Variants in GRK3 observed in about 807,000 individuals in gnomAD.
The protein encoded by GRK3 is G protein-coupled receptor kinase 3, also known as adrenergic, beta, receptor kinase 2.
GRK3 carries 54 observed loss-of-function variants against 95.7 expected under a neutral mutation model. That is an observed-to-expected ratio of 0.56 (90% CI 0.45 to 0.71). The LOEUF (loss-of-function observed/expected upper bound fraction) is 0.71, where lower values mean the gene tolerates loss of function less well. Ranked by LOEUF, GRK3 falls within the 30% of genes least tolerant of loss-of-function variation. GRK3 has a pLI of 0.00. For missense variants in GRK3, 649 were observed against 851.2 expected, an observed-to-expected ratio of 0.76 and a Z score of 2.96; for synonymous variants, 281 against 290.8, an observed-to-expected ratio of 0.97 and a Z score of 0.34.
intron 2 of GRK3, among the ~76,000 whole-genome samples, chr22:25,639,956 T>C (rs138041909): frequency 6.6e-6 from 1 of 152,324 alleles, no homozygotes; most frequent in East Asian, 1.9e-4. Flanking sequence ...AATTCCATTT[T>C]AAAATTGTGT....
intron 1 of GRK3, among the ~76,000 whole-genome samples, chr22:25,575,467 T>A (rs1025332643): frequency 6.6e-6 from 1 of 152,216 alleles, no homozygotes; most frequent in African/African-American, 2.4e-5. Context: ...GAAATGATCT[T>A]AGTGAGAGGC....
At chr22:25,705,439 TAATC>T (rs1313272332) in intron 15 of GRK3, among the ~76,000 whole-genome samples, 1 of 152,240 alleles carries the variant, frequency 6.6e-6, no homozygotes, top group Non-Finnish European at 1.5e-5. Flanking sequence ...TCTGTGATCA[TAATC>T]AATCATAATC....
chr22:25,613,805 C>T (rs963764864), intron 2 of GRK3, among the ~76,000 whole-genome samples: 10 of 152,164 alleles, frequency 6.6e-5, no homozygotes, highest in African/African-American at 2.4e-4. Context: ...GCAGTGCAGC[C>T]TCTGCAGCTC....
chr22:25,711,492 C>T (rs1178505269), intron 17 of GRK3, among the ~76,000 whole-genome samples: 3 of 152,090 alleles, frequency 2.0e-5, no homozygotes. Context: ...GCAAAAGAGC[C>T]AGCTGTCTCA....
intron 18 of GRK3, 44 bp downstream of exon 18, chr22:25,714,614 T>C: frequency 6.6e-7 from 1 of 1,506,852 alleles, no homozygotes; most frequent in Non-Finnish European, 8.9e-7. Context: ...ATGCAGTAAA[T>C]TTTCAAAATT....
intron 8 of GRK3, among the ~76,000 whole-genome samples, chr22:25,677,911 G>T (rs1241412254): frequency 6.6e-6 from 1 of 152,150 alleles, no homozygotes. Context: ...TTCTAAATAT[G>T]AGTTTGTTCC....
chr22:25,576,706 C>T (rs1569150204), intron 1 of GRK3, among the ~76,000 whole-genome samples: 2 of 152,266 alleles, frequency 1.3e-5, no homozygotes, highest in East Asian at 3.9e-4. Flanking sequence ...AGCGTATTTT[C>T]AGAAAAACCT....
At chr22:25,677,452 G>C (rs2085040765) in intron 8 of GRK3, among the ~76,000 whole-genome samples, 1 of 150,108 alleles carries the variant, frequency 6.7e-6, no homozygotes, top group Non-Finnish European at 1.5e-5. Flanking sequence ...AGAGAGTGGT[G>C]ATAGAGGTAG....
intron 11 of GRK3, among the ~76,000 whole-genome samples, chr22:25,688,037 C>T (rs1487173565): frequency 1.3e-5 from 2 of 152,080 alleles, no homozygotes; most frequent in Non-Finnish European, 2.9e-5. Context: ...GAGATCAAGG[C>T]CATCCTGGCT....
intron 1 of GRK3, among the ~76,000 whole-genome samples, chr22:25,599,880 G>A (rs2084397418): frequency 6.6e-6 from 1 of 152,126 alleles, no homozygotes; most frequent in Non-Finnish European, 1.5e-5. Context: ...TGTTCAAGGA[G>A]AAACAGGAAT....
intron 2 of GRK3, among the ~76,000 whole-genome samples, chr22:25,635,450 T>C (rs185058604): frequency 6.6e-6 from 1 of 152,348 alleles, no homozygotes; most frequent in Admixed American, 6.5e-5. Flanking sequence ...CATATTCATA[T>C]TTCAACAATT....
At chr22:25,622,255 C>T (rs1173809511) in intron 2 of GRK3, among the ~76,000 whole-genome samples, 1 of 152,136 alleles carries the variant, frequency 6.6e-6, no homozygotes, top group African/African-American at 2.4e-5. Flanking sequence ...TGCAGCTTGT[C>T]GGTGTGCAGC....
chr22:25,691,512 A>G (rs2085164347), intron 12 of GRK3, among the ~76,000 whole-genome samples: 1 of 152,248 alleles, frequency 6.6e-6, no homozygotes, highest in African/African-American at 2.4e-5. Flanking sequence ...TTTTCTACAG[A>G]ATCTGGGATA....
At chr22:25,722,157 C>A in intron 20 of GRK3, 132 bp from the exon 21 acceptor site, 3 of 954,544 alleles carry the variant, frequency 3.1e-6, no homozygotes, top group East Asian at 2.4e-5. Context: ...GCTAGTAATG[C>A]CACTGGGGGT....
intron 2 of GRK3, among the ~76,000 whole-genome samples, chr22:25,610,920 A>T (rs1304017806): frequency 1.3e-5 from 2 of 151,994 alleles, no homozygotes; most frequent in East Asian, 3.9e-4. Flanking sequence ...GGAGTGCAGT[A>T]GCTCGATCTC....
chr22:25,660,956 T>C (rs1041263359), intron 3 of GRK3, among the ~76,000 whole-genome samples: 1 of 152,216 alleles, frequency 6.6e-6, no homozygotes, highest in African/African-American at 2.4e-5. Context: ...TTACCTTTGC[T>C]GAATACAGCA....
chr22:25,622,405 G>A (rs1348470065), intron 2 of GRK3, among the ~76,000 whole-genome samples: 1 of 152,204 alleles, frequency 6.6e-6, no homozygotes, highest in African/African-American at 2.4e-5. Flanking sequence ...AGACCGAGTA[G>A]CGCTTACATA....
intron 1 of GRK3, among the ~76,000 whole-genome samples, chr22:25,597,357 G>A (rs1160378465): frequency 2.6e-5 from 4 of 152,178 alleles, no homozygotes; most frequent in Admixed American, 2.0e-4. Flanking sequence ...AGCTAGATAA[G>A]AGAAATACAT....
At chr22:25,704,647 G>A (rs1601539731) in intron 15 of GRK3, among the ~76,000 whole-genome samples, 1 of 152,328 alleles carries the variant, frequency 6.6e-6, no homozygotes, top group East Asian at 1.9e-4. Context: ...CTGACCTCAG[G>A]TGATCCACCT....
Sources: gnomAD v4.1 joint callset for allele counts (sites outside exome capture counted in the v4.1 genomes callset) on GRCh38, gnomAD v4.1.1 for gene constraint, MANE v1.5 for transcripts, NCBI Gene and HGNC (gene_info 2026-07-23, HGNC 2026-07-21) for gene names.